DNMT3B: variants seen among roughly 807,000 people sequenced by gnomAD.
The protein encoded by DNMT3B is DNA (cytosine-5)-methyltransferase 3B.
A neutral mutation model predicts 120.2 loss-of-function variants in DNMT3B; 37 were observed. That is an observed-to-expected ratio of 0.31 (90% confidence interval 0.24 to 0.40). The LOEUF is 0.40. Ranked by LOEUF, DNMT3B falls within the 10% of genes least tolerant of loss-of-function variation. The pLI is 1.00. For missense variants in DNMT3B, 878 were observed against 1,137.3 expected, an observed-to-expected ratio of 0.77 and a Z score of 3.28; for synonymous variants, 412 against 442.8, an observed-to-expected ratio of 0.93 and a Z score of 0.87.
At chr20:32,769,237 G>A (rs768544992) in intron 1 of DNMT3B, among the ~76,000 whole-genome samples, 1 of 152,088 alleles carries the variant, frequency 6.6e-6, no homozygotes, top group Non-Finnish European at 1.5e-5. Context: ...ACAGGCGCCC[G>A]CCACCTTGCC....
At chr20:32,805,063 T>G (rs1439620483) in intron 20 of DNMT3B, among the ~76,000 whole-genome samples, 1 of 152,220 alleles carries the variant, frequency 6.6e-6, no homozygotes, top group Non-Finnish European at 1.5e-5. Flanking sequence ...AGGTTTCTCC[T>G]GCCCTACCCC....
rs534071246 is a variant in DNMT3B, at chr20:32,792,901, A to G, written c.1066+131A>G. 4 of 1,376,088 alleles carry G rather than the reference A, an allele frequency of 2.9e-6. No individual in the cohort carries two copies. In the African/African-American group the frequency reaches 5.7e-5, roughly 20 times the overall value. The allele number at this position is 1,376,088 out of a possible 1,614,324, so 85.2% of individuals were successfully genotyped here. A position where few individuals can be genotyped will look rare whatever the true frequency, so the allele number is the denominator to read the frequency against. ...AGCTGGTCTCAACTCTGAATGTTGG[A>G]AAAATAGGAGCAGGCATACGAAGGC... On this transcript the variant is annotated intron_variant, in intron 9 of 22. Transcript: ENST00000328111.
intron 1 of DNMT3B, chr20:32,780,039 G>T: frequency 6.4e-7 from 1 of 1,574,568 alleles, no homozygotes; most frequent in East Asian, 2.3e-5. Context: ...AGAGCAGTCT[G>T]AGCCTGAGAC....
Position 32,798,495 on chromosome 20 carries a change from G to C in DNMT3B, c.1526G>C (p.Gly509Ala). Residue 509 changes from glycine (G) to alanine (A), a missense_variant, in exon 15 of 23, where the codon GGC becomes GCC. Around this residue, in one of 4 missense-constraint regions of DNMT3B, gnomAD observed 334 missense variants for 518.8 expected, o/e 0.64. Transcript: ENST00000328111. ...GTGGAGTGCCTGGAGGTGCTGGTGGGCACAGGCACAGCGGCCGAGGCCAAG... is the reference window on the plus strand; with the variant it reads ...GTGGAGTGCCTGGAGGTGCTGGTGGCCACAGGCACAGCGGCCGAGGCCAAG... ...FCVECLEVLV[G>A]TGTAAEAKLQ... 9 of 1,614,206 alleles carry C rather than the reference G, an allele frequency of 5.6e-6. No homozygotes were observed. Among genetic ancestry groups the C allele is most frequent in the African/African-American group, 1.3e-5 (1 of 75,052 alleles).
intron 1 of DNMT3B, among the ~76,000 whole-genome samples, chr20:32,773,177 G>A (rs1199693665): frequency 6.6e-6 from 1 of 151,698 alleles, no homozygotes; most frequent in Non-Finnish European, 1.5e-5. Context: ...GAGTGCAGTG[G>A]CTCACTGCGA....
chr20:32,787,435 A>C lies in DNMT3B; in HGVS notation c.638A>C (p.Asp213Ala). 2.5e-6 allele frequency: 4 copies of C among 1,614,074 alleles called. No homozygotes were observed. Among genetic ancestry groups the C allele is most frequent in the Non-Finnish European group, 3.4e-6 (4 of 1,180,008 alleles). ...GTGGAGGCAGACAGTGGAGATGGAG[A>C]CAGTTCAGAGTATCAGGTATGGCCG... ...PQVEADSGDGDSSEYQDGKEF... is the reference protein window; with the variant it reads ...PQVEADSGDGASSEYQDGKEF... Residue 213 changes from aspartate (D) to alanine (A), a missense_variant, in exon 6 of 23, where the codon GAC becomes GCC. Physicochemically the swap from Asp to Ala is moderately radical, Grantham distance 126 (BLOSUM62 -2). Transcript: ENST00000328111.
intron 7 of DNMT3B, among the ~76,000 whole-genome samples, chr20:32,790,497 G>T (rs1421768553): frequency 2.0e-5 from 3 of 151,152 alleles, no homozygotes; most frequent in Non-Finnish European, 4.4e-5. Flanking sequence ...TGGAGCTATT[G>T]GGCGCTGGAA....
intron 1 of DNMT3B, among the ~76,000 whole-genome samples, chr20:32,778,655 A>T (rs1318783068): frequency 6.6e-6 from 1 of 152,196 alleles, no homozygotes; most frequent in Non-Finnish European, 1.5e-5. Flanking sequence ...GGGCGATGCC[A>T]GTGGCGCCAG....
intron 19 of DNMT3B, among the ~76,000 whole-genome samples, chr20:32,801,773 C>T (rs542929005): frequency 5.3e-5 from 8 of 152,060 alleles, no homozygotes; most frequent in Non-Finnish European, 8.8e-5. Flanking sequence ...TTGGTAGAGA[C>T]AGGGTCTTGG....
chr20:32,806,624 A>G lies in DNMT3B; in HGVS notation c.2420+297A>G, dbSNP rs2424931. ...TGCTGGGACACTACGATGTGTGAGAAGCCAGTGAAAGAAAACCCCACAGAC... is the reference window on the plus strand; with the variant it reads ...TGCTGGGACACTACGATGTGTGAGAGGCCAGTGAAAGAAAACCCCACAGAC... On this transcript the variant is annotated intron_variant, in intron 22 of 22. Transcript: ENST00000328111. Among the ~76,000 whole-genome samples, 604 of 152,312 alleles carry G rather than the reference A, an allele frequency of 4.0e-3. 6 individuals carry two copies. The highest frequency in any genetic ancestry group is 0.013 in the African/African-American group (529 of 41,568).
rs746065051 is a variant in DNMT3B at position 32,795,428 on chromosome 20, C to T, written c.1146C>T (p.Arg382=). Residue 382 remains arginine, a synonymous_variant, in exon 11 of 23, where the codon CGC becomes CGT. Coordinates refer to ENST00000328111, the MANE Select transcript of DNMT3B (RefSeq NM_006892.4). ...SRKYENKTRR[R]TADDSATSDY... The stretch of plus-strand genomic sequence containing the variant: ...TCACAGAGAACAAGACTCGAAGACG[C>T]ACAGCTGACGACTCAGCCACCTCTG... The T allele has an allele frequency of 3.1e-6, 5 of 1,614,024 alleles. No individual in the cohort carries two copies.
At chr20:32,793,637 C>T (rs776700133) in intron 10 of DNMT3B, 42 bp downstream of exon 10, 6 of 1,602,326 alleles carry the variant, frequency 3.7e-6, no homozygotes, top group East Asian at 2.2e-5. Flanking sequence ...GTTTTCTATG[C>T]ACTTTCTTCT....
intron 2 of DNMT3B, among the ~76,000 whole-genome samples, chr20:32,780,970 G>T (rs1170428520): frequency 6.6e-6 from 1 of 152,176 alleles, no homozygotes; most frequent in Non-Finnish European, 1.5e-5. Flanking sequence ...TTCTATTTCT[G>T]CATTGTTCCC....
At chr20:32,784,701 C>G (rs1046168846) in intron 3 of DNMT3B, 57 bp from the exon 4 acceptor site, 6 of 1,596,108 alleles carry the variant, frequency 3.8e-6, no homozygotes, top group Non-Finnish European at 4.3e-6. Context: ...TGCCTTGTTT[C>G]TTTGACTTGC....
At chr20:32,767,044 G>A (rs1568817216) in intron 1 of DNMT3B, among the ~76,000 whole-genome samples, 1 of 152,002 alleles carries the variant, frequency 6.6e-6, no homozygotes, top group Non-Finnish European at 1.5e-5. Flanking sequence ...GCGTGGTGGT[G>A]CATGCCCGGC....
intron 1 of DNMT3B, among the ~76,000 whole-genome samples, chr20:32,768,797 A>G (rs1987544918): frequency 6.6e-6 from 1 of 152,172 alleles, no homozygotes; most frequent in Admixed American, 6.6e-5. Flanking sequence ...AGTGTTCATT[A>G]TATTCCAGGC....
chr20:32,770,287 A>C (rs527583861), intron 1 of DNMT3B, among the ~76,000 whole-genome samples: 1 of 150,308 alleles, frequency 6.7e-6, no homozygotes, highest in South Asian at 2.1e-4. Flanking sequence ...TAGTTTTTGT[A>C]ATTTTTTTTT....
chr20:32,775,102 C>T (rs1988002480), intron 1 of DNMT3B, among the ~76,000 whole-genome samples: 2 of 152,178 alleles, frequency 1.3e-5, no homozygotes, highest in African/African-American at 4.8e-5. Flanking sequence ...GGGTGGTCCA[C>T]CTGCCTCAGC....
chr20:32,800,819 T>G lies in DNMT3B; in HGVS notation c.1906-16T>G, dbSNP rs201594274. The G allele has an allele frequency of 2.2e-5, 36 of 1,613,502 alleles. No individual in the cohort carries two copies. The Admixed American group carries it at 3.7e-4, about 16-fold the overall frequency. On this transcript the variant is annotated splice_polypyrimidine_tract_variant and intron_variant, in intron 17 of 22. Coordinates refer to ENST00000328111, the MANE Select transcript of DNMT3B (RefSeq NM_006892.4). ...TCTGTCCACACCCTCATCCTGACTCTGTCTCTCTCTTTCAGATTGAAGAAT... is the reference window on the plus strand; with the variant it reads ...TCTGTCCACACCCTCATCCTGACTCGGTCTCTCTCTTTCAGATTGAAGAAT...
Sources: allele counts gnomAD v4.1 joint callset (sites outside exome capture counted in the v4.1 genomes callset), GRCh38; gene constraint gnomAD v4.1.1; regional missense constraint gnomAD v4.1.1; transcripts MANE v1.5; gene names NCBI Gene and HGNC (gene_info 2026-07-23, HGNC 2026-07-21).